Variants in PLCL1 observed in about 807,000 individuals in gnomAD.
PLCL1 encodes the protein phospholipase C like 1 (inactive).
In PLCL1, 41 loss-of-function variants were observed where a neutral mutation model predicts 84.4. That is an observed-to-expected ratio of 0.49 (90% CI 0.38 to 0.63). The LOEUF is 0.63. PLCL1 is among the 30% of genes least tolerant of loss of function. PLCL1 has a pLI of 0.00. For missense variants in PLCL1, 1,206 were observed against 1,367.8 expected (o/e 0.88, Z 1.87); for synonymous variants, 490 against 488.3 (o/e 1.00, Z -0.05).
At chr2:197,960,971 A>G (rs1194358314) in intron 1 of PLCL1, among the ~76,000 whole-genome samples, 3 of 152,090 alleles carry the variant, frequency 2.0e-5, no homozygotes, top group African/African-American at 7.2e-5. Context: ...TATGCTCCAC[A>G]GGACACACAA....
intron 3 of PLCL1, among the ~76,000 whole-genome samples, chr2:198,092,691 C>A (rs12473467): frequency 6.6e-6 from 1 of 152,120 alleles, no homozygotes; most frequent in African/African-American, 2.4e-5. Flanking sequence ...AACTACTCTC[C>A]CCATACATTC....
At chr2:197,943,624 C>T (rs1689209202) in intron 1 of PLCL1, among the ~76,000 whole-genome samples, 1 of 120,768 alleles carries the variant, frequency 8.3e-6, no homozygotes, top group African/African-American at 3.2e-5. Context: ...TTTTTGGTTA[C>T]ATCTTTTTTT....
chr2:197,885,611 T>C (rs1687907125), intron 1 of PLCL1, among the ~76,000 whole-genome samples: 1 of 152,220 alleles, frequency 6.6e-6, no homozygotes, highest in Non-Finnish European at 1.5e-5. Flanking sequence ...TCCCGTCAAG[T>C]TGACACAAAA....
At position 198,086,131 on chromosome 2, in the gene PLCL1, T is replaced by A. The variant is rs577168074; in HGVS notation, c.2614T>A (p.Tyr872Asn). ...SVRMGKKVREYTMLRNIGLKT... is the reference protein window; with the variant it reads ...SVRMGKKVRENTMLRNIGLKT... ...GAGAATGGGGAAGAAAGTTCGGGAATATACCATGCTCAGGAATATCGGTCT... is the reference window on the plus strand; with the variant it reads ...GAGAATGGGGAAGAAAGTTCGGGAAAATACCATGCTCAGGAATATCGGTCT... Residue 872 changes from tyrosine to asparagine, a missense_variant, in exon 2 of 6, where the codon TAT (tyrosine) becomes AAT (asparagine). Coordinates refer to ENST00000428675, the MANE Select transcript of PLCL1 (RefSeq NM_006226.4). 3.7e-6 allele frequency: 6 copies of A among 1,613,932 alleles called. No homozygotes were observed. In the Admixed American group the frequency reaches 6.7e-5, roughly 18 times the overall value.
intron 1 of PLCL1, among the ~76,000 whole-genome samples, chr2:198,011,064 A>T (rs1690857873): frequency 6.6e-6 from 1 of 150,824 alleles, no homozygotes; most frequent in Non-Finnish European, 1.5e-5. Context: ...TTTTTTTGGG[A>T]AAACCATCCC....
Position 198,076,190 on chromosome 2 carries a change from C to CT in PLCL1, c.241-7567dup, listed in dbSNP as rs1177633691. 4.6e-5 allele frequency among the ~76,000 whole-genome samples: 7 copies of CT among 151,262 alleles called. No individual in the cohort carries two copies. The East Asian group carries it at 1.3e-3, about 29-fold the overall frequency. On this transcript the variant is annotated intron_variant, in intron 1 of 5. Transcript: ENST00000428675. ...GGACTCTTTTTTTTTTCTCAGCACT[C>CT]TATCACTAGCTTTGCCTGTAGAACA...
chr2:198,061,370 A>C (rs932145400), intron 1 of PLCL1, among the ~76,000 whole-genome samples: 2 of 152,086 alleles, frequency 1.3e-5, no homozygotes, highest in African/African-American at 4.8e-5. Context: ...TTCCAGTGTG[A>C]TTTGTACTAC....
chr2:198,009,610 A>G (rs549320883), intron 1 of PLCL1, among the ~76,000 whole-genome samples: 5 of 152,006 alleles, frequency 3.3e-5, no homozygotes, highest in South Asian at 2.1e-4. Context: ...TTTGAAATCA[A>G]GAAGTGTGAT....
intron 1 of PLCL1, among the ~76,000 whole-genome samples, chr2:198,032,964 T>C (rs759191517): frequency 3.3e-5 from 5 of 152,118 alleles, no homozygotes; most frequent in Non-Finnish European, 5.9e-5. Context: ...TGCTCAAGAA[T>C]CCCTAGCCCA....
chr2:197,889,444 A>C (rs962918850), intron 1 of PLCL1, among the ~76,000 whole-genome samples: 5 of 152,186 alleles, frequency 3.3e-5, no homozygotes, highest in Admixed American at 6.5e-5. Flanking sequence ...CCAAAAAAAA[A>C]CAGGCTTTAA....
chr2:198,002,978 G>A (rs1455369040), intron 1 of PLCL1, among the ~76,000 whole-genome samples: 2 of 152,020 alleles, frequency 1.3e-5, no homozygotes, highest in Admixed American at 6.6e-5. Flanking sequence ...TGTGAACTAT[G>A]TTACCATTTC....
chr2:197,843,692 A>G (rs1300468256), intron 1 of PLCL1, among the ~76,000 whole-genome samples: 1 of 152,150 alleles, frequency 6.6e-6, no homozygotes, highest in African/African-American at 2.4e-5. Flanking sequence ...CTCTGCTTCC[A>G]TTTGGTTGTC....
At chr2:198,127,013 G>T (rs35626074) in intron 5 of PLCL1, among the ~76,000 whole-genome samples, 39,843 of 105,330 alleles carry the variant, frequency 0.38, 5,726 homozygotes, top group East Asian at 0.61. Flanking sequence ...TGTGTGTGTG[G>T]GGGGTGGTGT....
At chr2:197,902,365 A>G (rs1688284579) in intron 1 of PLCL1, among the ~76,000 whole-genome samples, 1 of 152,152 alleles carries the variant, frequency 6.6e-6, no homozygotes, top group Admixed American at 6.5e-5. Flanking sequence ...CCGGTCATTC[A>G]TGCTACTTGG....
intron 1 of PLCL1, among the ~76,000 whole-genome samples, chr2:197,815,942 T>C (rs1690677851): frequency 6.6e-6 from 1 of 152,194 alleles, no homozygotes; most frequent in Non-Finnish European, 1.5e-5. Context: ...CTTGTGAAGA[T>C]GTTCTGAGCA....
intron 5 of PLCL1, among the ~76,000 whole-genome samples, chr2:198,137,028 G>T (rs1369140953): frequency 6.6e-6 from 1 of 152,036 alleles, no homozygotes; most frequent in Non-Finnish European, 1.5e-5. Flanking sequence ...GTTCTATCAA[G>T]AAATTCTTTT....
chr2:198,028,413 G>A lies in PLCL1; in HGVS notation c.241-55345G>A, dbSNP rs181029122. 2.1e-4 allele frequency among the ~76,000 whole-genome samples: 32 copies of A among 152,216 alleles called. 1 individual carries two copies. The highest frequency in any genetic ancestry group is 7.7e-4 in the African/African-American group (32 of 41,534). On this transcript the variant is annotated intron_variant, in intron 1 of 5. Coordinates refer to ENST00000428675, the MANE Select transcript of PLCL1 (RefSeq NM_006226.4). ...TACGGATGTGGGCTTATGGATATATGTAAATACTGTACATCAGATGGTGAT... is the reference window on the plus strand; with the variant it reads ...TACGGATGTGGGCTTATGGATATATATAAATACTGTACATCAGATGGTGAT...
intron 1 of PLCL1, among the ~76,000 whole-genome samples, chr2:198,030,568 A>G (rs1691386331): frequency 6.6e-6 from 1 of 152,150 alleles, no homozygotes; most frequent in African/African-American, 2.4e-5. Context: ...CATGCTAGCA[A>G]TAGTATGATG....
chr2:197,990,718 A>G (rs923759856), intron 1 of PLCL1, among the ~76,000 whole-genome samples: 3 of 152,132 alleles, frequency 2.0e-5, no homozygotes, highest in Non-Finnish European at 4.4e-5. Flanking sequence ...TCAAGATGAG[A>G]TTTGAGTGGG....
Sources: allele counts gnomAD v4.1 joint callset (sites outside exome capture counted in the v4.1 genomes callset), GRCh38; gene constraint gnomAD v4.1.1; transcripts MANE v1.5; gene names NCBI Gene and HGNC (gene_info 2026-07-23, HGNC 2026-07-21).